Variants in LTBP1 observed in about 807,000 individuals in gnomAD.
The protein encoded by LTBP1 is latent-transforming growth factor beta-binding protein 1.
LTBP1 carries 129 observed loss-of-function variants against 207.6 expected under a neutral mutation model. That is an observed-to-expected ratio of 0.62 (90% CI 0.54 to 0.72). The LOEUF is 0.72. LTBP1 is among the 30% of genes least tolerant of loss of function. The pLI is 0.00. For missense variants in LTBP1, 2,281 were observed against 2,217.2 expected (o/e 1.03, Z -0.58); for synonymous variants, 963 against 833.7 (o/e 1.16, Z -2.67).
intron 3 of LTBP1, among the ~76,000 whole-genome samples, chr2:33,030,891 G>C (rs964342765): frequency 1.3e-5 from 2 of 151,998 alleles, no homozygotes; most frequent in African/African-American, 2.4e-5. Flanking sequence ...TTTTTTTAGT[G>C]AGGTTGAACA....
rs369628420 is a variant in LTBP1, at chr2:33,277,797, C to CTTTCTT, written c.2992+1875_2992+1876insTTCTTT. 1.5e-3 allele frequency among the ~76,000 whole-genome samples: 122 copies of CTTTCTT among 80,412 alleles called. 1 individual carries two copies. The highest frequency in any genetic ancestry group is 8.8e-3 in the South Asian group (24 of 2,716). 52.8% of individuals were successfully genotyped at this position (80,412 alleles called of 152,430 possible). ...TCTTTCTTTCTTTCTTTCTTTCTTTCTCTCTCTCTTTCTTTTTTTCTTTCT... is the reference window on the plus strand; with the variant it reads ...TCTTTCTTTCTTTCTTTCTTTCTTTCTTTCTTTCTCTCTCTTTCTTTTTTTCTTTCT... On this transcript the variant is annotated intron_variant, in intron 18 of 33. Coordinates refer to ENST00000404816, the MANE Select transcript of LTBP1 (RefSeq NM_206943.4).
In LTBP1 at chr2:33,188,684, A is replaced by C. The variant is rs2087487319; in HGVS notation, c.1534A>C (p.Lys512Gln). The change falls in exon 7 of 34, where the codon AAA (lysine) becomes CAA (glutamine). Residue 512 changes from lysine to glutamine, a missense_variant. Coordinates refer to ENST00000404816, the MANE Select transcript of LTBP1 (RefSeq NM_206943.4). ...TGATGGCCCAACAGGCCAGAAGACA[A>C]AAGAAGCTCAACCAGGCCAATCCCA... The part of the protein sequence containing the change: ...RIDGPTGQKT[K>Q]EAQPGQSQVS... The C allele has an allele frequency of 6.2e-7, 1 of 1,614,026 alleles. No homozygotes were observed.
At chr2:33,243,570 C>A (rs913101969) in intron 9 of LTBP1, 92 bp from the exon 10 acceptor site, 11 of 1,157,580 alleles carry the variant, frequency 9.5e-6, no homozygotes, top group Admixed American at 2.1e-5. Flanking sequence ...TAAAAGATTA[C>A]TATAGTGAAA....
At chr2:33,196,957 G>A (rs1157282011) in intron 7 of LTBP1, among the ~76,000 whole-genome samples, 2 of 152,154 alleles carry the variant, frequency 1.3e-5, no homozygotes, top group Admixed American at 6.5e-5. Context: ...AGAAAAGAGC[G>A]GGAATAATGG....
intron 4 of LTBP1, among the ~76,000 whole-genome samples, chr2:33,133,717 C>G (rs545476326): frequency 1.3e-5 from 2 of 152,140 alleles, no homozygotes; most frequent in Non-Finnish European, 2.9e-5. Context: ...TTTACAAAAG[C>G]AGGCAGCAAG....
intron 3 of LTBP1, among the ~76,000 whole-genome samples, chr2:33,097,178 T>C (rs2079445081): frequency 6.6e-6 from 1 of 152,212 alleles, no homozygotes; most frequent in Non-Finnish European, 1.5e-5. Context: ...CTTTAATGTA[T>C]CCACCGTGGT....
chr2:33,042,442 G>A (rs967331892), intron 3 of LTBP1, among the ~76,000 whole-genome samples: 5 of 152,140 alleles, frequency 3.3e-5, no homozygotes, highest in Admixed American at 2.0e-4. Context: ...CAGAGCAAAG[G>A]GAGAGAAATA....
intron 19 of LTBP1, among the ~76,000 whole-genome samples, chr2:33,289,753 C>T (rs898937623): frequency 7.2e-5 from 11 of 152,144 alleles, no homozygotes; most frequent in Non-Finnish European, 1.5e-5. Context: ...TATGTATATG[C>T]ACTGGAAGAA....
chr2:33,377,021 A>G (rs72802029), intron 31 of LTBP1, among the ~76,000 whole-genome samples: 9,870 of 152,298 alleles, frequency 0.065, 346 homozygotes, highest in Non-Finnish European at 0.071. Context: ...AGGAAGCCAC[A>G]TTCCAGTTAT....
chr2:33,059,648 G>A (rs576849412), intron 3 of LTBP1, among the ~76,000 whole-genome samples: 2 of 152,218 alleles, frequency 1.3e-5, no homozygotes, highest in African/African-American at 2.4e-5. Flanking sequence ...CAGGGGGTCA[G>A]ATTCAGTTAC....
At chr2:33,080,877 G>A (rs912802874) in intron 3 of LTBP1, among the ~76,000 whole-genome samples, 7 of 152,182 alleles carry the variant, frequency 4.6e-5, no homozygotes, top group Admixed American at 3.3e-4. Context: ...AGGAGAAAGA[G>A]TATTTTCCTT....
intron 5 of LTBP1, among the ~76,000 whole-genome samples, chr2:33,165,757 A>G (rs1214886781): frequency 4.6e-5 from 7 of 152,226 alleles, no homozygotes; most frequent in Admixed American, 6.5e-5. Context: ...AATGAATATA[A>G]TGGACTTAGA....
chr2:32,960,662 A>G (rs1478113320), intron 2 of LTBP1, among the ~76,000 whole-genome samples: 4 of 152,222 alleles, frequency 2.6e-5, no homozygotes, highest in Non-Finnish European at 5.9e-5. Flanking sequence ...ACAGGGTCAC[A>G]GGCTAGAGAG....
At chr2:33,054,026 C>T (rs1324383609) in intron 3 of LTBP1, among the ~76,000 whole-genome samples, 1 of 152,162 alleles carries the variant, frequency 6.6e-6, no homozygotes, top group Non-Finnish European at 1.5e-5. Flanking sequence ...CTGTGGGATC[C>T]TCAAAGGCAA....
chr2:33,257,968 G>A (rs1343195067), intron 12 of LTBP1, among the ~76,000 whole-genome samples: 1 of 152,230 alleles, frequency 6.6e-6, no homozygotes. Flanking sequence ...ATTGTCAGTT[G>A]AAGAGATCTG....
At chr2:33,370,282 G>A (rs1474287906) in intron 31 of LTBP1, among the ~76,000 whole-genome samples, 1 of 152,204 alleles carries the variant, frequency 6.6e-6, no homozygotes, top group East Asian at 1.9e-4. Context: ...CTAATAGCAT[G>A]TGAACATAAA....
At chr2:33,153,363 A>G (rs1005688125) in intron 5 of LTBP1, among the ~76,000 whole-genome samples, 1 of 152,218 alleles carries the variant, frequency 6.6e-6, no homozygotes, top group African/African-American at 2.4e-5. Context: ...CTAGAAACAG[A>G]ATGACTCCTT....
intron 7 of LTBP1, among the ~76,000 whole-genome samples, chr2:33,208,596 A>G (rs1011321096): frequency 1.1e-4 from 16 of 152,148 alleles, no homozygotes; most frequent in African/African-American, 3.9e-4. Context: ...TAATGTATCA[A>G]CCTGGCAGGC....
At chr2:33,230,452 C>G (rs1468536238) in intron 9 of LTBP1, among the ~76,000 whole-genome samples, 1 of 152,116 alleles carries the variant, frequency 6.6e-6, no homozygotes, top group Non-Finnish European at 1.5e-5. Flanking sequence ...CCAAAACAGC[C>G]TTGCTACTCT....
Sources: allele counts gnomAD v4.1 joint callset (sites outside exome capture counted in the v4.1 genomes callset), GRCh38; gene constraint gnomAD v4.1.1; transcripts MANE v1.5; gene names NCBI Gene and HGNC (gene_info 2026-07-23, HGNC 2026-07-21).